Variants in SPDYA observed in about 807,000 individuals in gnomAD.
SPDYA encodes speedy/RINGO cell cycle regulator family member A.
In SPDYA, 11 loss-of-function variants were observed where a neutral mutation model predicts 36.7. The observed-to-expected ratio is 0.30, with a 90% CI of 0.19 to 0.50. The LOEUF (loss-of-function observed/expected upper bound fraction) is 0.50, where lower values mean the gene tolerates loss of function less well. Ranked by LOEUF, SPDYA falls within the 20% of genes least tolerant of loss-of-function variation. The pLI, the probability that SPDYA is intolerant of heterozygous loss-of-function variation, is 0.98. For synonymous variants in SPDYA, 115 were observed against 118.7 expected (o/e 0.97, Z 0.20); for missense variants, 287 against 370.9 (o/e 0.77, Z 1.86).
At chr2:28,848,999 C>T (rs2148112709) in intron 7 of SPDYA, among the ~76,000 whole-genome samples, 1 of 151,862 alleles carries the variant, frequency 6.6e-6, no homozygotes, top group South Asian at 2.1e-4. Context: ...GAGCCATGAT[C>T]ACGCCACTGC....
At chr2:28,815,831 G>T (rs558609014) in intron 2 of SPDYA, among the ~76,000 whole-genome samples, 166 bp from the exon 3 acceptor site, 51 of 152,244 alleles carry the variant, frequency 3.3e-4, no homozygotes, top group African/African-American at 1.2e-3. Context: ...TTTTCCTAGC[G>T]CTGAATTTCA....
intron 5 of SPDYA, among the ~76,000 whole-genome samples, chr2:28,824,703 C>T (rs1396283556): frequency 3.3e-5 from 5 of 151,764 alleles, no homozygotes; most frequent in Admixed American, 6.6e-5. Flanking sequence ...CATGCCACCA[C>T]GCCCGGCTAA....
At chr2:28,837,826 AGAG>A (rs1226398698) in intron 6 of SPDYA, among the ~76,000 whole-genome samples, 34 of 146,852 alleles carry the variant, frequency 2.3e-4, no homozygotes, top group African/African-American at 6.4e-4. Context: ...CCTGCCAGGG[AGAG>A]GAGAAGCTGA....
intron 7 of SPDYA, among the ~76,000 whole-genome samples, chr2:28,844,825 C>T (rs773140256): frequency 3.3e-5 from 5 of 151,844 alleles, no homozygotes; most frequent in East Asian, 1.9e-4. Flanking sequence ...CCCAGCTACT[C>T]GGGAGGCTGA....
At chr2:28,830,301 C>G (rs1668449777) in intron 6 of SPDYA, among the ~76,000 whole-genome samples, 1 of 148,976 alleles carries the variant, frequency 6.7e-6, no homozygotes, top group South Asian at 2.1e-4. Context: ...CCTCCCGGGT[C>G]CACGCCATTC....
At chr2:28,828,334 A>T (rs1474614209) in intron 5 of SPDYA, among the ~76,000 whole-genome samples, 3 of 151,728 alleles carry the variant, frequency 2.0e-5, no homozygotes, top group Non-Finnish European at 4.4e-5. Context: ...TGTGTATTTC[A>T]TCTTGAATAC....
chr2:28,816,862 A>T (rs1667993983), intron 3 of SPDYA, among the ~76,000 whole-genome samples: 1 of 149,380 alleles, frequency 6.7e-6, no homozygotes, highest in African/African-American at 2.4e-5. Context: ...AAGAGAGGGA[A>T]TTTTTTTTTT....
intron 7 of SPDYA, among the ~76,000 whole-genome samples, chr2:28,849,405 C>G (rs982484099): frequency 6.6e-6 from 1 of 152,196 alleles, no homozygotes; most frequent in Non-Finnish European, 1.5e-5. Context: ...GATTCTCCTG[C>G]CTCAGCTTCC....
At chr2:28,837,603 C>T (rs1041138777) in intron 6 of SPDYA, among the ~76,000 whole-genome samples, 1 of 152,150 alleles carries the variant, frequency 6.6e-6, no homozygotes, top group Non-Finnish European at 1.5e-5. Context: ...TATTAACTCT[C>T]ACAATTCTTA....
chr2:28,837,995 A>T (rs1319579431), intron 6 of SPDYA, among the ~76,000 whole-genome samples: 1 of 151,982 alleles, frequency 6.6e-6, no homozygotes, highest in Non-Finnish European at 1.5e-5. Context: ...AAAAATGACA[A>T]AAGAATAAGA....
At position 28,824,586 on chromosome 2, in the gene SPDYA, G is replaced by A. The variant is rs187592631; in HGVS notation, c.380+2176G>A. On this transcript the variant is annotated intron_variant, in intron 5 of 7. Coordinates refer to ENST00000334056, the MANE Select transcript of SPDYA (RefSeq NM_182756.4). Reference sequence around the variant, plus strand: ...TTTTGTGACAGAGTCTCTCTCTGTTGCCCAGGCTGGAGTGCAGTGGCATTA... The same window carrying A: ...TTTTGTGACAGAGTCTCTCTCTGTTACCCAGGCTGGAGTGCAGTGGCATTA... Among the ~76,000 whole-genome samples, 19 of 128,542 alleles carry A rather than the reference G, an allele frequency of 1.5e-4. No homozygotes were observed. In the East Asian group the frequency reaches 3.8e-3, roughly 26 times the overall value. 84.3% of individuals were successfully genotyped at this position (128,542 alleles called of 152,430 possible).
At chr2:28,816,705 TTG>T (rs1456123266) in intron 3 of SPDYA, among the ~76,000 whole-genome samples, 3 of 152,218 alleles carry the variant, frequency 2.0e-5, no homozygotes, top group African/African-American at 7.2e-5. Context: ...TTTGGGAACA[TTG>T]TTAAAAATTA....
At position 28,840,326 on chromosome 2, in the gene SPDYA, G is replaced by T. The variant is rs1668719295; in HGVS notation, c.707G>T (p.Arg236Ile). 6.2e-7 allele frequency: 1 copy of T among 1,610,970 alleles called. No individual in the cohort carries two copies. The highest frequency in any genetic ancestry group is 8.5e-7 in the Non-Finnish European group (1 of 1,178,726). The part of the protein sequence containing the change: ...VDCSLCGKKR[R>I]YVRLGLSSSS... ...TGTTCACTCTGTGGTAAAAAAAGAAGATATGTTAGACTGGGATTGTCTTCA... is the reference window on the plus strand; with the variant it reads ...TGTTCACTCTGTGGTAAAAAAAGAATATATGTTAGACTGGGATTGTCTTCA... The change falls in exon 7 of 8, where the codon AGA becomes ATA. Residue 236 changes from arginine to isoleucine, a missense_variant. Transcript: ENST00000334056.
Position 28,827,344 on chromosome 2 carries a change from T to C in SPDYA, c.381-1804T>C, listed in dbSNP as rs138533317. Reference sequence around the variant, plus strand: ...TTTTATCTTCAGCTTATGTCTAATATGCTAATTTCATTATAAAATTTTCCA... The same window carrying C: ...TTTTATCTTCAGCTTATGTCTAATACGCTAATTTCATTATAAAATTTTCCA... On this transcript the variant is annotated intron_variant, in intron 5 of 7. Transcript: ENST00000334056. 7.1e-3 allele frequency among the ~76,000 whole-genome samples: 1,078 copies of C among 152,364 alleles called. 14 individuals are homozygous for C. The highest frequency in any genetic ancestry group is 0.024 in the African/African-American group (1,015 of 41,590).
At chr2:28,833,572 T>C (rs566099075) in intron 6 of SPDYA, among the ~76,000 whole-genome samples, 15 of 152,340 alleles carry the variant, frequency 9.8e-5, no homozygotes, top group Middle Eastern at 6.8e-3. Flanking sequence ...GTCACAATTA[T>C]GTTCAATTGA....
In SPDYA at chr2:28,816,076, G is replaced by A. The variant is rs774619034; in HGVS notation, c.62G>A (p.Gly21Glu). The A allele has an allele frequency of 3.7e-6, 6 of 1,613,780 alleles. No homozygotes were observed. The highest frequency in any genetic ancestry group is 3.3e-4 in the Middle Eastern group (2 of 6,060). The change falls in exon 3 of 8, where the codon GGG becomes GAG. Residue 21 changes from glycine to glutamate, a missense_variant. Gly to Glu is a moderately conservative substitution (Grantham distance 98, BLOSUM62 -2). Coordinates refer to ENST00000334056, the MANE Select transcript of SPDYA (RefSeq NM_182756.4). ...ACTGTCACTGTTTATGTAAAATCAG[G>A]GTCAAATAGATCACATCAGCCTAAA... ...PPTVTVYVKS[G>E]SNRSHQPKKP...
chr2:28,841,577 T>A (rs1668750861), intron 7 of SPDYA, among the ~76,000 whole-genome samples: 1 of 152,166 alleles, frequency 6.6e-6, no homozygotes, highest in Admixed American at 6.6e-5. Context: ...TTAACACACC[T>A]GCATTATTTC....
intron 6 of SPDYA, among the ~76,000 whole-genome samples, chr2:28,838,802 T>A (rs1395397974): frequency 1.3e-5 from 2 of 152,124 alleles, no homozygotes; most frequent in African/African-American, 4.8e-5. Flanking sequence ...TGAAACCCTG[T>A]CTCTACTAAA....
At chr2:28,823,662 A>G (rs1269217849) in intron 5 of SPDYA, among the ~76,000 whole-genome samples, 1 of 129,054 alleles carries the variant, frequency 7.7e-6, no homozygotes, top group Non-Finnish European at 1.6e-5. Context: ...TTCCTTTTCT[A>G]CCCTATAGCT....
Sources: gnomAD v4.1 joint callset for allele counts (sites outside exome capture counted in the v4.1 genomes callset) on GRCh38, gnomAD v4.1.1 for gene constraint, MANE v1.5 for transcripts, NCBI Gene and HGNC (gene_info 2026-07-23, HGNC 2026-07-21) for gene names.